The following ACSL1 variants were observed in gnomAD, a reference collection of about 807,000 sequenced individuals.
ACSL1 encodes the protein long-chain-fatty-acid--CoA ligase 1.
In ACSL1, 41 loss-of-function variants were observed where a neutral mutation model predicts 98.4. That is an observed-to-expected ratio of 0.42 (90% CI 0.32 to 0.54). The LOEUF (loss-of-function observed/expected upper bound fraction) is 0.54. ACSL1 is among the 20% of genes least tolerant of loss of function. The probability of loss-of-function intolerance (pLI) is 0.13; values close to 1 mark genes in which losing one functional copy is unlikely to be tolerated. For missense variants in ACSL1, 734 were observed against 883.1 expected, an observed-to-expected ratio of 0.83 and a Z score of 2.14; for synonymous variants, 316 against 322.7, an observed-to-expected ratio of 0.98 and a Z score of 0.22.
chr4:184,768,511 G>T, intron 11 of ACSL1, 61 bp from the exon 12 acceptor site: 1 of 1,548,522 alleles, frequency 6.5e-7, no homozygotes, highest in South Asian at 1.3e-5. Context: ...CACAACATAT[G>T]GACAACATCC....
At chr4:184,778,813 C>A (rs1561199390) in intron 5 of ACSL1, among the ~76,000 whole-genome samples, 1 of 152,060 alleles carries the variant, frequency 6.6e-6, no homozygotes, top group South Asian at 2.1e-4. Flanking sequence ...TCCATCAAAA[C>A]AAACATTTTG....
In ACSL1 at chr4:184,776,612, A is replaced by G. The variant is rs1171645541; in HGVS notation, c.628T>C (p.Leu210=). The change falls in exon 7 of 21, where the codon TTA becomes CTA. Residue 210 remains leucine (L), a synonymous_variant. Coordinates refer to ENST00000281455, the MANE Select transcript of ACSL1 (RefSeq NM_001995.5). ...ATTAACTTATTTTCTACACCCTCTA[A>G]TAAGAGTTTGGCCTTCTCTGGCTTG... ...VDKPEKAKLL[L]EGVENKLIPG... The G allele has an allele frequency of 2.5e-6, 4 of 1,613,878 alleles. No individual in the cohort carries two copies. The highest frequency in any genetic ancestry group is 2.2e-5 in the East Asian group (1 of 44,882).
At position 184,825,205 on chromosome 4, in the gene ACSL1, G is replaced by A. The variant is rs539227062; in HGVS notation, c.-33+711C>T. The stretch of plus-strand genomic sequence containing the variant: ...CCTGTCCCCAGACTCGAATCCACGT[G>A]TCCATTCAAGTCATCTACCGCCACT... On this transcript the variant is annotated intron_variant, in intron 1 of 20. Coordinates refer to ENST00000281455, the MANE Select transcript of ACSL1 (RefSeq NM_001995.5). This position sits in a 1 kb window ranked among gnomAD's most constrained non-coding sequence, Gnocchi z 4.7. 120 of 985,402 alleles carry A rather than the reference G, an allele frequency of 1.2e-4. 1 individual carries two copies. In the African/African-American group the frequency reaches 1.8e-3, roughly 15 times the overall value. The allele number at this position is 985,402 out of a possible 1,614,324, so 61.0% of individuals were successfully genotyped here. A position where few individuals can be genotyped will look rare whatever the true frequency, so the allele number is the denominator to read the frequency against.
In ACSL1 at chr4:184,766,662, T is replaced by C. The variant is rs1379996310; in HGVS notation, c.1223A>G (p.Asn408Ser). 6.2e-7 allele frequency: 1 copy of C among 1,614,190 alleles called. No individual in the cohort carries two copies. The highest frequency in any genetic ancestry group is 1.7e-5 in the Admixed American group (1 of 60,024). ...GATCAGCCGGTCCCACAGGCTGTTG[T>C]TTCTGATGATGCCGCTGCGAAGCTC... ...EAELRSGIIR[N>S]NSLWDRLIFH... The change falls in exon 13 of 21, where the codon AAC (asparagine) becomes AGC (serine). Residue 408 changes from asparagine to serine, a missense_variant. Physicochemically the swap from Asn to Ser is conservative, Grantham distance 46. Transcript: ENST00000281455. The surrounding 1 kb of genome is among the most constrained non-coding windows in gnomAD (Gnocchi z 4.8).
chr4:184,763,932 C>A (rs1323688306), intron 15 of ACSL1, among the ~76,000 whole-genome samples: 2 of 152,040 alleles, frequency 1.3e-5, no homozygotes, highest in Non-Finnish European at 2.9e-5. Flanking sequence ...ATTCCAAATT[C>A]TCTGTTAAGG....
At position 184,766,191 on chromosome 4, in the gene ACSL1, T is replaced by C. The variant is rs1311456521; in HGVS notation, c.1264-205A>G. Among the ~76,000 whole-genome samples the C allele has an allele frequency of 1.3e-5, 2 of 152,100 alleles. No homozygotes were observed. The highest frequency in any genetic ancestry group is 2.9e-5 in the Non-Finnish European group (2 of 68,018). On this transcript the variant is annotated intron_variant, in intron 13 of 20. Transcript: ENST00000281455. The surrounding 1 kb of genome is among the most constrained non-coding windows in gnomAD (Gnocchi z 4.8). ...CCGTGACTGCCCTGTTCCCTCCCAA[T>C]GGGGATGGAAGTCAGCCCCACCTCT...
chr4:184,816,192 G>A (rs778528095), intron 1 of ACSL1, among the ~76,000 whole-genome samples: 13 of 152,008 alleles, frequency 8.6e-5, no homozygotes, highest in South Asian at 2.1e-4. Context: ...AGGACTGGAC[G>A]CAGCCTGCAA....
Position 184,811,354 on chromosome 4 carries a change from T to C in ACSL1, c.-32-7808A>G, listed in dbSNP as rs186797430. Among the ~76,000 whole-genome samples, 131 of 152,130 alleles carry C rather than the reference T, an allele frequency of 8.6e-4. 1 individual carries two copies. Among genetic ancestry groups the C allele is most frequent in the Middle Eastern group, 6.8e-3 (2 of 294 alleles). ...GTCTCGATCTCCCGACTTTGTGATC[T>C]GCCCGCCTTGGCCTCCCAAAGTGCT... On this transcript the variant is annotated intron_variant, in intron 1 of 20. Coordinates refer to ENST00000281455, the MANE Select transcript of ACSL1 (RefSeq NM_001995.5).
chr4:184,790,763 T>C (rs1768208752), intron 2 of ACSL1, among the ~76,000 whole-genome samples: 1 of 152,232 alleles, frequency 6.6e-6, no homozygotes, highest in Admixed American at 6.5e-5. Flanking sequence ...TAAAATATGA[T>C]TGTGTAGAAT....
rs146157068 is a variant in ACSL1, at chr4:184,803,594, C to T, written c.-32-48G>A. On this transcript the variant is annotated intron_variant, in intron 1 of 20. Transcript: ENST00000281455. The surrounding 1 kb of genome is among the most constrained non-coding windows in gnomAD (Gnocchi z 4.8). ...CGTTCGTTCCAGGGAAGCAGGACCCCTCTCCAGAACTCCAAAATTCCACCG... is the reference window on the plus strand; with the variant it reads ...CGTTCGTTCCAGGGAAGCAGGACCCTTCTCCAGAACTCCAAAATTCCACCG... 3,481 of 1,280,500 alleles carry T rather than the reference C, an allele frequency of 2.7e-3. 68 individuals carry two copies. In the Admixed American group the frequency reaches 0.048, roughly 18 times the overall value. 79.3% of individuals were successfully genotyped at this position (1,280,500 alleles called of 1,614,324 possible). A position where few individuals can be genotyped will look rare whatever the true frequency, so the allele number is the denominator to read the frequency against.
In ACSL1 at chr4:184,820,136, G is replaced by A. The variant is rs574289962; in HGVS notation, c.-33+5780C>T. Among the ~76,000 whole-genome samples the A allele has an allele frequency of 1.5e-4, 23 of 152,294 alleles. No homozygotes were observed. The South Asian group carries it at 4.6e-3, about 30-fold the overall frequency. On this transcript the variant is annotated intron_variant, in intron 1 of 20. Transcript: ENST00000281455. The stretch of plus-strand genomic sequence containing the variant: ...AAGTCACCCCCCTCCGATCCCTGCA[G>A]ACTCCCAAGTAGCTGGGACTACAGG...
rs1421661437 is a variant in ACSL1 at position 184,773,229 on chromosome 4, T to G, written c.842-75A>C. On this transcript the variant is annotated intron_variant, in intron 9 of 20. Transcript: ENST00000281455. The surrounding 1 kb of genome is among the most constrained non-coding windows in gnomAD (Gnocchi z 4.3). ...AGGAGGCCCAGAAACCTCACATAATTAGGGCTTCAGACACCTCTACTGTTA... is the reference window on the plus strand; with the variant it reads ...AGGAGGCCCAGAAACCTCACATAATGAGGGCTTCAGACACCTCTACTGTTA... 14 of 1,372,578 alleles carry G rather than the reference T, an allele frequency of 1.0e-5. No homozygotes were observed. The highest frequency in any genetic ancestry group is 1.2e-5 in the Non-Finnish European group (12 of 968,860). 85.0% of individuals were successfully genotyped at this position (1,372,578 alleles called of 1,614,324 possible). A position where few individuals can be genotyped will look rare whatever the true frequency, so the allele number is the denominator to read the frequency against.
At chr4:184,768,010 T>A (rs556328225) in intron 12 of ACSL1, 32 of 448,354 alleles carry the variant, frequency 7.1e-5, no homozygotes, top group African/African-American at 6.3e-4. Context: ...AGGTAAACAG[T>A]CCGTGTTACA....
At position 184,766,519 on chromosome 4, in the gene ACSL1, T is replaced by C. The variant is rs939792026; in HGVS notation, c.1263+103A>G. 11 of 1,437,842 alleles carry C rather than the reference T, an allele frequency of 7.7e-6. No homozygotes were observed. The African/African-American group carries it at 1.0e-4, about 13-fold the overall frequency. The allele number at this position is 1,437,842 out of a possible 1,614,324, so 89.1% of individuals were successfully genotyped here. ...CAGAATTAACAAAAACATGTTATTCTCTCCCTTACCTTCATCTCTCCCTCT... is the reference window on the plus strand; with the variant it reads ...CAGAATTAACAAAAACATGTTATTCCCTCCCTTACCTTCATCTCTCCCTCT... On this transcript the variant is annotated intron_variant, in intron 13 of 20. Coordinates refer to ENST00000281455, the MANE Select transcript of ACSL1 (RefSeq NM_001995.5). The surrounding 1 kb of genome is among the most constrained non-coding windows in gnomAD (Gnocchi z 4.8).
At chr4:184,769,599 A>C (rs1764186688) in intron 11 of ACSL1, among the ~76,000 whole-genome samples, 1 of 152,234 alleles carries the variant, frequency 6.6e-6, no homozygotes, top group African/African-American at 2.4e-5. Context: ...CAGGAAGTAG[A>C]AGGAACAGAT....
chr4:184,758,262 T>TAA, intron 18 of ACSL1: 1 of 204,698 alleles, frequency 4.9e-6, no homozygotes, highest in Non-Finnish European at 9.8e-6. Context: ...TAACTGCTTT[T>TAA]AAAAAAAAAA....
chr4:184,811,365 G>A (rs1368796458), intron 1 of ACSL1, among the ~76,000 whole-genome samples: 2 of 152,020 alleles, frequency 1.3e-5, no homozygotes, highest in Admixed American at 6.5e-5. Context: ...GCCCGCCTTG[G>A]CCTCCCAAAG....
chr4:184,779,313 TG>T (rs1236381771), intron 5 of ACSL1, among the ~76,000 whole-genome samples: 1 of 152,214 alleles, frequency 6.6e-6, no homozygotes, highest in Admixed American at 6.5e-5. Context: ...TTTCTGCTTT[TG>T]CTTCTTCCGC....
chr4:184,775,637 G>A (rs1765175824), intron 7 of ACSL1, among the ~76,000 whole-genome samples: 1 of 152,112 alleles, frequency 6.6e-6, no homozygotes, highest in Non-Finnish European at 1.5e-5. Context: ...GAACACCCGC[G>A]CTTCCCTGTG....
Sources: gnomAD v4.1 joint callset for allele counts (sites outside exome capture counted in the v4.1 genomes callset) on GRCh38, gnomAD v4.1.1 for gene constraint, Gnocchi (gnomAD v3.1) non-coding constraint, MANE v1.5 for transcripts, NCBI Gene and HGNC (gene_info 2026-07-23, HGNC 2026-07-21) for gene names.